The following USP34 variants were observed in gnomAD, a reference collection of about 807,000 sequenced individuals.
USP34 encodes ubiquitin specific peptidase 34.
A neutral mutation model predicts 460.3 loss-of-function variants in USP34; 70 were observed. That is an observed-to-expected ratio of 0.15 (90% CI 0.13 to 0.19). The LOEUF (loss-of-function observed/expected upper bound fraction) is 0.19. Among genes scored for constraint, USP34 ranks in the 10% least tolerant of loss-of-function variants. The pLI, the probability that USP34 is intolerant of heterozygous loss-of-function variation, is 1.00. For missense variants in USP34, 3,985 were observed against 4,236.2 expected (o/e 0.94, Z 1.65); for synonymous variants, 1,647 against 1,405.3 (o/e 1.17, Z -3.85).
chr2:61,242,820 G>A (rs1394736119), intron 51 of USP34, among the ~76,000 whole-genome samples: 1 of 152,090 alleles, frequency 6.6e-6, no homozygotes, highest in Non-Finnish European at 1.5e-5. Context: ...AAGGGACAGA[G>A]GCAGACATTT....
At chr2:61,225,323 T>C (rs1388017002) in intron 62 of USP34, among the ~76,000 whole-genome samples, 1 of 152,152 alleles carries the variant, frequency 6.6e-6, no homozygotes. Context: ...AATAATACTT[T>C]TATTACAAAT....
At chr2:61,407,430 A>G (rs1356900060) in intron 2 of USP34, among the ~76,000 whole-genome samples, 1 of 152,214 alleles carries the variant, frequency 6.6e-6, no homozygotes, top group Non-Finnish European at 1.5e-5. Context: ...TGGTTCTAAT[A>G]ATACTTGTAC....
rs1691846370 is a variant in USP34, at chr2:61,348,677, G to GTA, written c.1674+77_1674+78dup. 2.5e-5 allele frequency: 38 copies of GTA among 1,510,746 alleles called. 1 individual carries two copies. The South Asian group carries it at 4.5e-4, about 18-fold the overall frequency. The allele number at this position is 1,510,746 out of a possible 1,614,324, so 93.6% of individuals were successfully genotyped here. ...GAGGACAAGCCCAAACATGAATTAT[G>GTA]TATATATACCCAATTCAAATGATAA... is the stretch of plus-strand genomic sequence containing the variant. On this transcript the variant is annotated intron_variant, in intron 14 of 79. Transcript: ENST00000398571.
At chr2:61,410,163 TATATAATGAA>T (rs1553385156) in intron 2 of USP34, among the ~76,000 whole-genome samples, 1 of 152,164 alleles carries the variant, frequency 6.6e-6, no homozygotes, top group Non-Finnish European at 1.5e-5. Flanking sequence ...CACACTGTAA[TATATAATGAA>T]ATAATTCTAC....
chr2:61,256,352 A>C (rs778238982), intron 48 of USP34, 32 bp downstream of exon 48: 51 of 1,558,058 alleles, frequency 3.3e-5, no homozygotes, highest in Non-Finnish European at 7.9e-6. Flanking sequence ...TCTACGGTGA[A>C]CATAATAAAA....
intron 60 of USP34, 52 bp from the exon 61 acceptor site, chr2:61,228,771 T>A: frequency 6.3e-7 from 1 of 1,593,788 alleles, no homozygotes; most frequent in South Asian, 1.2e-5. Flanking sequence ...AGCAATTAAG[T>A]TGCAAATACT....
intron 68 of USP34, 101 bp downstream of exon 68, chr2:61,213,959 G>A: frequency 1.5e-6 from 2 of 1,363,548 alleles, no homozygotes; most frequent in Non-Finnish European, 2.0e-6. Context: ...AGAAAGAATG[G>A]TGAGACTATT....
chr2:61,259,202 T>C (rs1011165051), intron 44 of USP34, among the ~76,000 whole-genome samples: 1 of 151,944 alleles, frequency 6.6e-6, no homozygotes, highest in African/African-American at 2.4e-5. Context: ...GAGGTTGCAG[T>C]GAATTGAGAT....
At chr2:61,288,934 A>G (rs774571908) in intron 33 of USP34, 57 bp from the exon 34 acceptor site, 158 of 1,551,510 alleles carry the variant, frequency 1.0e-4, no homozygotes, top group Non-Finnish European at 1.3e-4. Flanking sequence ...AATGGCCACA[A>G]TACAATTTTG....
rs1279734522 is a variant in USP34, at chr2:61,301,090, C to A, written c.3989G>T (p.Cys1330Phe). ...GTTGTCCTTCTGAGGGGGTGGGAGG[C>A]AAGATGCTGGCAGCTGAACACCTTC... Reference protein sequence around the residue: ...KGEGVQLPASCLPPPQKDNIP... With the variant: ...KGEGVQLPASFLPPPQKDNIP... The change falls in exon 29 of 80, where the codon TGC becomes TTC. Residue 1330 changes from cysteine to phenylalanine, a missense_variant. By Grantham distance (205) the Cys-to-Phe change is radical. This residue lies in a region of USP34 where 1,114 missense variants were observed against 1,122.5 expected (regional missense o/e 0.99). Transcript: ENST00000398571. The A allele has an allele frequency of 6.2e-7, 1 of 1,613,886 alleles. No homozygotes were observed. The highest frequency in any genetic ancestry group is 1.3e-5 in the African/African-American group (1 of 74,870).
intron 41 of USP34, 132 bp from the exon 42 acceptor site, chr2:61,266,299 T>C: frequency 1.3e-6 from 1 of 798,086 alleles, no homozygotes; most frequent in Non-Finnish European, 1.9e-6. Flanking sequence ...TATACCATCA[T>C]CTGAAAGTCC....
At chr2:61,190,038 TTTA>T (rs1347821167) in intron 78 of USP34, 2 of 422,306 alleles carry the variant, frequency 4.7e-6, no homozygotes, top group Non-Finnish European at 8.2e-6. Context: ...AGATGTTCCC[TTTA>T]TTACCTTTCA....
chr2:61,462,733 T>C (rs1558609868), intron 1 of USP34, among the ~76,000 whole-genome samples: 2 of 151,150 alleles, frequency 1.3e-5, no homozygotes, highest in Non-Finnish European at 2.9e-5. Flanking sequence ...TGATGGCACA[T>C]GCCTATAATC....
At position 61,231,360 on chromosome 2, in the gene USP34, A is replaced by G. The variant is rs146555323; in HGVS notation, c.7113+1092T>C. ...GTGATGGCTGCACAACTTTGTGACT[A>G]TACTAAAAACCACTAAATTTTACAT... On this transcript the variant is annotated intron_variant, in intron 58 of 79. Coordinates refer to ENST00000398571, the MANE Select transcript of USP34 (RefSeq NM_014709.4). Among the ~76,000 whole-genome samples, 430 of 152,220 alleles carry G rather than the reference A, an allele frequency of 2.8e-3. 1 individual carries two copies. The highest frequency in any genetic ancestry group is 9.4e-3 in the African/African-American group (390 of 41,530).
At position 61,378,913 on chromosome 2, in the gene USP34, G is replaced by GAAAAAAAAAAAAA. The variant is rs34463913; in HGVS notation, c.1015-502_1015-490dup. 3.1e-4 allele frequency among the ~76,000 whole-genome samples: 18 copies of GAAAAAAAAAAAAA among 57,872 alleles called. 3 individuals are homozygous for GAAAAAAAAAAAAA. Among genetic ancestry groups the GAAAAAAAAAAAAA allele is most frequent in the Non-Finnish European group, 4.5e-4 (16 of 35,272 alleles). The allele number at this position is 57,872 out of a possible 152,430, so 38.0% of individuals were successfully genotyped here. Reference sequence around the variant, plus strand: ...GAGTGAGAGTCCATCTCAAAAAAACGAAAAAAAAAAAAAAAAAAAAAAAAC... The same window carrying GAAAAAAAAAAAAA: ...GAGTGAGAGTCCATCTCAAAAAAACGAAAAAAAAAAAAAAAAAAAAAAAAAAAAAAAAAAAAAC... On this transcript the variant is annotated intron_variant, in intron 7 of 79. Transcript: ENST00000398571.
At chr2:61,296,465 T>C (rs1690033765) in intron 30 of USP34, among the ~76,000 whole-genome samples, 1 of 152,186 alleles carries the variant, frequency 6.6e-6, no homozygotes, top group Non-Finnish European at 1.5e-5. Flanking sequence ...ATTTCACCTC[T>C]GTGTATTTTC....
chr2:61,428,977 C>T (rs1558588963), intron 1 of USP34, among the ~76,000 whole-genome samples: 1 of 151,950 alleles, frequency 6.6e-6, no homozygotes, highest in Non-Finnish European at 1.5e-5. Flanking sequence ...ACTTTACTCA[C>T]ACTAGAAACA....
Position 61,331,362 on chromosome 2 carries a change from T to G in USP34, c.2844A>C (p.Glu948Asp). Residue 948 changes from glutamate to aspartate, a missense_variant, in exon 20 of 80, where the codon GAA (glutamate) becomes GAC (aspartate). By Grantham distance (45) the Glu-to-Asp change is conservative (BLOSUM62 2). Around this residue, in one of 14 missense-constraint regions of USP34, gnomAD observed 1,114 missense variants for 1,122.5 expected, o/e 0.99. Coordinates refer to ENST00000398571, the MANE Select transcript of USP34 (RefSeq NM_014709.4). Reference protein sequence around the residue: ...YDTHWITMWAEKELNMMKLFF... With the variant: ...YDTHWITMWADKELNMMKLFF... ...AAAGCTTCATCATGTTCAGTTCTTT[T>G]TCTGCCCACCTGGCCCAAATAAAAG... is the stretch of plus-strand genomic sequence containing the variant. 6.2e-7 allele frequency: 1 copy of G among 1,611,004 alleles called. No individual in the cohort carries two copies. Among genetic ancestry groups the G allele is most frequent in the East Asian group, 2.2e-5 (1 of 44,730 alleles).
chr2:61,188,603 C>G lies in USP34; in HGVS notation c.10140G>C (p.Leu3380=). The G allele has an allele frequency of 6.2e-7, 1 of 1,614,154 alleles. No individual in the cohort carries two copies. Among genetic ancestry groups the G allele is most frequent in the Non-Finnish European group, 8.5e-7 (1 of 1,180,036 alleles). Residue 3380 remains leucine (L), a synonymous_variant, in exon 80 of 80, where the codon CTG becomes CTC. Coordinates refer to ENST00000398571, the MANE Select transcript of USP34 (RefSeq NM_014709.4). ...SDMKTETREV[L]TPTSTSDNET... is the part of the protein sequence containing the mutation. ...CATTGTCAGAAGTGCTCGTTGGGGT[C>G]AGGACCTCCCTGGTTTCTGTTTTCA...
Sources: allele counts gnomAD v4.1 joint callset (sites outside exome capture counted in the v4.1 genomes callset), GRCh38; gene constraint gnomAD v4.1.1; regional missense constraint gnomAD v4.1.1; transcripts MANE v1.5; gene names NCBI Gene and HGNC (gene_info 2026-07-23, HGNC 2026-07-21).